SI: variants seen among roughly 807,000 people sequenced by gnomAD.
SI encodes the protein sucrase-isomaltase, intestinal.
Under a neutral mutation model 253.3 loss-of-function variants are expected in SI, and 235 were observed. That is an observed-to-expected ratio of 0.93 (90% confidence interval 0.83 to 1.03). The LOEUF is 1.03. SI is among the 50% of genes least tolerant of loss of function. SI has a pLI of 0.00. For synonymous variants in SI, 819 were observed against 712.0 expected, an observed-to-expected ratio of 1.15 and a Z score of -2.39; for missense variants, 2,442 against 2,211.1, an observed-to-expected ratio of 1.10 and a Z score of -2.09.
At chr3:165,050,709 C>T (rs1266246155) in intron 13 of SI, among the ~76,000 whole-genome samples, 1 of 152,088 alleles carries the variant, frequency 6.6e-6, no homozygotes, top group Admixed American at 6.6e-5. Context: ...TAATAGTCTC[C>T]TTTCACATAA....
At chr3:164,994,192 G>T (rs1717906708) in intron 41 of SI, 65 bp downstream of exon 41, 1 of 1,417,976 alleles carries the variant, frequency 7.1e-7, no homozygotes, top group Non-Finnish European at 9.9e-7. Flanking sequence ...CACTATAAGA[G>T]ATCATTGGGT....
In SI at chr3:164,995,165, A is replaced by G. The variant is rs373510484; in HGVS notation, c.4693-760T>C. Among the ~76,000 whole-genome samples, 3 of 151,762 alleles carry G rather than the reference A, an allele frequency of 2.0e-5. No homozygotes were observed. The East Asian group carries it at 5.8e-4, about 29-fold the overall frequency. On this transcript the variant is annotated intron_variant, in intron 40 of 47. Transcript: ENST00000264382. ...GACATCAGCATGACTGGGGCCCTTTATAGTTGTGTCATATCGATGATGATT... is the reference window on the plus strand; with the variant it reads ...GACATCAGCATGACTGGGGCCCTTTGTAGTTGTGTCATATCGATGATGATT...
In SI at chr3:165,064,693, C is replaced by G. The variant is rs576925916; in HGVS notation, c.807+568G>C. 7.2e-5 allele frequency among the ~76,000 whole-genome samples: 11 copies of G among 151,946 alleles called. No homozygotes were observed. In the East Asian group the frequency reaches 2.1e-3, roughly 30 times the overall value. On this transcript the variant is annotated intron_variant, in intron 7 of 47. Transcript: ENST00000264382. ...CAAGTATAAAGATAAAGACTAAGCC[C>G]TTATGGGAGAGTTTGGGAGAAGTTC...
At chr3:165,039,789 C>G in intron 19 of SI, 98 bp downstream of exon 19, 1 of 858,436 alleles carries the variant, frequency 1.2e-6, no homozygotes, top group Non-Finnish European at 2.0e-6. Flanking sequence ...TTGAAACAGT[C>G]CACTGAGTAA....
Position 165,062,357 on chromosome 3 carries a change from G to C in SI, c.1020+14C>G. The C allele has an allele frequency of 7.8e-7, 1 of 1,285,882 alleles. No homozygotes were observed. The highest frequency in any genetic ancestry group is 1.1e-6 in the Non-Finnish European group (1 of 881,758). 79.7% of individuals were successfully genotyped at this position (1,285,882 alleles called of 1,614,324 possible). A position where few individuals can be genotyped will look rare whatever the true frequency, so the allele number is the denominator to read the frequency against. On this transcript the variant is annotated intron_variant, in intron 9 of 47. Transcript: ENST00000264382. ...TATGCAGAAAAAATTTTATAAAATA[G>C]ACCTGAAACACACCTGTTGATACTG...
At chr3:165,034,697 C>T (rs1041680770) in intron 22 of SI, among the ~76,000 whole-genome samples, 12 of 151,694 alleles carry the variant, frequency 7.9e-5, no homozygotes, top group Admixed American at 2.0e-4. Context: ...TGTGTGGGTG[C>T]GTGTATGTGT....
intron 25 of SI, 49 bp downstream of exon 25, chr3:165,030,663 A>G (rs1304266510): frequency 6.3e-7 from 1 of 1,575,010 alleles, no homozygotes; most frequent in Admixed American, 1.7e-5. Context: ...TTGCACCAAA[A>G]TGCTTATGTG....
At chr3:165,011,357 T>C (rs1718759132) in intron 34 of SI, among the ~76,000 whole-genome samples, 1 of 152,176 alleles carries the variant, frequency 6.6e-6, no homozygotes, top group African/African-American at 2.4e-5. Flanking sequence ...ATCTTTTTGT[T>C]GTTCCACTGG....
the SI span, among the ~76,000 whole-genome samples, chr3:165,089,630 T>A: frequency 6.6e-6 from 1 of 152,244 alleles, no homozygotes; most frequent in South Asian, 2.1e-4. Context: ...AACAACTACT[T>A]AATATTTCAC....
At chr3:165,019,553 T>A in intron 28 of SI, 49 bp downstream of exon 28, 1 of 1,554,002 alleles carries the variant, frequency 6.4e-7, no homozygotes, top group Non-Finnish European at 8.9e-7. Flanking sequence ...GCTTGGATTC[T>A]ACTCATGGTC....
chr3:164,991,616 T>A, intron 43 of SI, 139 bp from the exon 44 acceptor site: 1 of 933,968 alleles, frequency 1.1e-6, no homozygotes, highest in Non-Finnish European at 1.7e-6. Flanking sequence ...CAGAAAATCT[T>A]AATTTGTTTC....
At position 165,017,850 on chromosome 3, in the gene SI, C is replaced by T. The variant is rs1160507808; in HGVS notation, c.3544G>A (p.Ala1182Thr). Residue 1182 changes from alanine to threonine, a missense_variant, in exon 30 of 48, where the codon GCT becomes ACT. Physicochemically the swap from Ala to Thr is moderately conservative, Grantham distance 58. Coordinates refer to ENST00000264382, the MANE Select transcript of SI (RefSeq NM_001041.4). Reference protein sequence around the residue: ...AMDVTFQPTPALTYRTVGGIL... With the variant: ...AMDVTFQPTPTLTYRTVGGIL... The stretch of plus-strand genomic sequence containing the variant: ...CCTCCAACTGTACGGTAAGTTAGAG[C>T]AGGAGTTGGCTGGAATGTAACATCT... 1 of 1,612,726 alleles carries T rather than the reference C, an allele frequency of 6.2e-7. No individual in the cohort carries two copies. The highest frequency in any genetic ancestry group is 8.5e-7 in the Non-Finnish European group (1 of 1,179,130).
intron 27 of SI, among the ~76,000 whole-genome samples, chr3:165,020,303 T>C (rs1271344449): frequency 2.0e-5 from 3 of 151,720 alleles, no homozygotes; most frequent in South Asian, 2.1e-4. Flanking sequence ...TATGAAGAAA[T>C]GTGTTACAAG....
chr3:165,031,174 T>G (rs1292473287), intron 24 of SI, among the ~76,000 whole-genome samples: 1 of 149,658 alleles, frequency 6.7e-6, no homozygotes, highest in Non-Finnish European at 1.5e-5. Context: ...ATTGCTTATA[T>G]GCCTTGGGAA....
At chr3:165,051,238 A>G (rs1713412768) in intron 13 of SI, among the ~76,000 whole-genome samples, 1 of 152,114 alleles carries the variant, frequency 6.6e-6, no homozygotes. Flanking sequence ...TGGATATAAA[A>G]AGAAGCTAAG....
intron 37 of SI, among the ~76,000 whole-genome samples, chr3:165,006,114 T>C (rs2108153484): frequency 6.6e-6 from 1 of 152,360 alleles, no homozygotes; most frequent in African/African-American, 2.4e-5. Flanking sequence ...TTTATGTTTT[T>C]ATTTTTATTT....
chr3:165,067,565 A>C, intron 5 of SI, 74 bp from the exon 6 acceptor site: 1 of 1,266,734 alleles, frequency 7.9e-7, no homozygotes, highest in Non-Finnish European at 1.1e-6. Context: ...GAATTATTAA[A>C]TGCAAGTTCC....
intron 25 of SI, among the ~76,000 whole-genome samples, chr3:165,030,063 C>A (rs1417626847): frequency 6.7e-6 from 1 of 149,376 alleles, no homozygotes; most frequent in Non-Finnish European, 1.5e-5. Context: ...TCTTGACTCG[C>A]CTCAGTGATA....
At chr3:165,007,600 C>G (rs1718573808) in intron 36 of SI, among the ~76,000 whole-genome samples, 1 of 151,638 alleles carries the variant, frequency 6.6e-6, no homozygotes, top group African/African-American at 2.4e-5. Flanking sequence ...ACCAAAATAA[C>G]AACTTCAAAC....
Sources: gnomAD v4.1 joint callset for allele counts (sites outside exome capture counted in the v4.1 genomes callset) on GRCh38, gnomAD v4.1.1 for gene constraint, MANE v1.5 for transcripts, NCBI Gene and HGNC (gene_info 2026-07-23, HGNC 2026-07-21) for gene names.